CLIC1: variants seen among roughly 807,000 people sequenced by gnomAD.
CLIC1 encodes the protein CLIC family member 1.
A neutral mutation model predicts 26.4 loss-of-function variants in CLIC1; 16 were observed. That is an observed-to-expected ratio of 0.61 (90% CI 0.41 to 0.92). The LOEUF (loss-of-function observed/expected upper bound fraction) is 0.92. Among genes scored for constraint, CLIC1 ranks in the 40% least tolerant of loss-of-function variants. The probability of loss-of-function intolerance (pLI) is 0.00; values close to 1 mark genes in which losing one functional copy is unlikely to be tolerated. For missense variants in CLIC1, 225 were observed against 289.7 expected (o/e 0.78, Z 1.62); for synonymous variants, 98 against 120.8 (o/e 0.81, Z 1.24).
intron 5 of CLIC1, 96 bp from the exon 6 acceptor site, chr6:31,731,099 A>C: frequency 2.0e-4 from 205 of 1,044,856 alleles, no homozygotes; most frequent in Non-Finnish European, 2.7e-4. Context: ...AAACCAGCTC[A>C]ACTCCTCACT....
At chr6:31,735,524 C>G (rs572942209) in intron 1 of CLIC1, among the ~76,000 whole-genome samples, 1 of 151,928 alleles carries the variant, frequency 6.6e-6, no homozygotes, top group Admixed American at 6.6e-5. Flanking sequence ...TCTCCAACCC[C>G]CAAATCCCAA....
In CLIC1 at chr6:31,732,090, T is replaced by C. The variant is rs941036132; in HGVS notation, c.564+127A>G. 4 of 681,554 alleles carry C rather than the reference T, an allele frequency of 5.9e-6. No homozygotes were observed. The highest frequency in any genetic ancestry group is 9.0e-6 in the Non-Finnish European group (4 of 444,340). The allele number at this position is 681,554 out of a possible 1,614,324, so 42.2% of individuals were successfully genotyped here. Reference sequence around the variant, plus strand: ...GGACTGGGGTGGGGTCTGCCATTGGTAGCAATTTATGAAAACCACCCTAAG... The same window carrying C: ...GGACTGGGGTGGGGTCTGCCATTGGCAGCAATTTATGAAAACCACCCTAAG... On this transcript the variant is annotated intron_variant, in intron 5 of 5. Coordinates refer to ENST00000375784, the Ensembl canonical transcript of CLIC1. This position sits in a 1 kb window ranked among gnomAD's most constrained non-coding sequence, Gnocchi z 5.0.
rs1808139561 is a variant in CLIC1 at position 31,733,718 on chromosome 6, A to G, written c.276-46T>C. On this transcript the variant is annotated intron_variant, in intron 3 of 5. Transcript: ENST00000375784. The surrounding 1 kb of genome is among the most constrained non-coding windows in gnomAD (Gnocchi z 5.4). ...TGAGGTAAGATGTCTTCCTGGGAGGAACCTCAGCTAGCTCTCCTGCCCCAG... is the reference window on the plus strand; with the variant it reads ...TGAGGTAAGATGTCTTCCTGGGAGGGACCTCAGCTAGCTCTCCTGCCCCAG... The G allele has an allele frequency of 6.2e-7, 1 of 1,606,454 alleles. No homozygotes were observed. The highest frequency in any genetic ancestry group is 8.5e-7 in the Non-Finnish European group (1 of 1,173,728).
At position 31,734,184 on chromosome 6, in the gene CLIC1, G is replaced by T. The variant is rs1264339514; in HGVS notation, c.119C>A (p.Thr40Asn). Residue 40 changes from threonine (T) to asparagine (N), a missense_variant, in exon 2 of 6, where the codon ACC becomes AAC. Coordinates refer to ENST00000375784, the Ensembl canonical transcript of CLIC1. The surrounding 1 kb of genome is among the most constrained non-coding windows in gnomAD (Gnocchi z 5.3). ...GGTGTCAACGGTGGTAACATTGAAG[G>T]TGACTCCCTTGAGCCACAGTACCAT... 1 of 1,614,104 alleles carries T rather than the reference G, an allele frequency of 6.2e-7. No individual in the cohort carries two copies. The highest frequency in any genetic ancestry group is 8.5e-7 in the Non-Finnish European group (1 of 1,179,966).
At position 31,736,151 on chromosome 6, in the gene CLIC1, T is replaced by C. The variant is rs1808315761; in HGVS notation, c.39+111A>G. The C allele has an allele frequency of 7.5e-6, 8 of 1,073,512 alleles. No homozygotes were observed. Among genetic ancestry groups the C allele is most frequent in the Admixed American group, 5.2e-5 (3 of 57,672 alleles). The allele number at this position is 1,073,512 out of a possible 1,614,324, so 66.5% of individuals were successfully genotyped here. A position where few individuals can be genotyped will look rare whatever the true frequency, so the allele number is the denominator to read the frequency against. On this transcript the variant is annotated intron_variant, in intron 1 of 5. Transcript: ENST00000375784. This position sits in a 1 kb window ranked among gnomAD's most constrained non-coding sequence, Gnocchi z 5.0. ...CCTCAACCAAAGAGTGCACGTGGGA[T>C]TGGGGGTGGGAGTCAAGGAGGGAAG...
intron 1 of CLIC1, among the ~76,000 whole-genome samples, chr6:31,735,460 C>T (rs1007707477): frequency 6.6e-6 from 1 of 151,488 alleles, no homozygotes; most frequent in African/African-American, 2.4e-5. Flanking sequence ...ATAGGACCAT[C>T]TCTCCTTACC....
intron 5 of CLIC1, among the ~76,000 whole-genome samples, chr6:31,731,733 C>T (rs1807965647): frequency 6.6e-6 from 1 of 152,244 alleles, no homozygotes; most frequent in Non-Finnish European, 1.5e-5. Flanking sequence ...CAGATGTTCA[C>T]TACATAGTTG....
At chr6:31,731,062 T>A in intron 5 of CLIC1, 59 bp from the exon 6 acceptor site, 1 of 1,513,832 alleles carries the variant, frequency 6.6e-7, no homozygotes, top group Non-Finnish European at 9.1e-7. Context: ...CACCTTGGCT[T>A]TCCCTTCTCC....
Position 31,732,083 on chromosome 6 carries a change from C to T in CLIC1, c.564+134G>A, listed in dbSNP as rs1398732217. ...CTGCAAAGGACTGGGGTGGGGTCTG[C>T]CATTGGTAGCAATTTATGAAAACCA... On this transcript the variant is annotated intron_variant, in intron 5 of 5. Transcript: ENST00000375784. The surrounding 1 kb of genome is among the most constrained non-coding windows in gnomAD (Gnocchi z 5.0). The T allele has an allele frequency of 5.0e-6, 3 of 600,740 alleles. No homozygotes were observed. The highest frequency in any genetic ancestry group is 8.0e-6 in the Non-Finnish European group (3 of 375,358). 37.2% of individuals were successfully genotyped at this position (600,740 alleles called of 1,614,324 possible). A position where few individuals can be genotyped will look rare whatever the true frequency, so the allele number is the denominator to read the frequency against.
At position 31,730,982 on chromosome 6, in the gene CLIC1, C is replaced by T. The variant is rs1217745238; in HGVS notation, c.586G>A (p.Gly196Arg). ...CGGAAGGCCTCGGGGATGGTGAATC[C>T]CCGGTACTTCTTACACACCACCTGA... is the stretch of plus-strand genomic sequence containing the variant. Residue 196 changes from glycine (G) to arginine (R), a missense_variant, in exon 6 of 6, where the codon GGA becomes AGA. By Grantham distance (125) the Gly-to-Arg change is moderately radical. Transcript: ENST00000375784. This position sits in a 1 kb window ranked among gnomAD's most constrained non-coding sequence, Gnocchi z 5.1. The T allele has an allele frequency of 6.2e-7, 1 of 1,612,846 alleles. No individual in the cohort carries two copies. Among genetic ancestry groups the T allele is most frequent in the Non-Finnish European group, 8.5e-7 (1 of 1,179,970 alleles).
Position 31,730,994 on chromosome 6 carries a change from T to C in CLIC1, c.574A>G (p.Lys192Glu). The change falls in exon 6 of 6, where the codon AAG (lysine) becomes GAG (glutamate). Residue 192 changes from lysine (K) to glutamate (E), a missense_variant. Transcript: ENST00000375784. The surrounding 1 kb of genome is among the most constrained non-coding windows in gnomAD (Gnocchi z 5.1). ...GGGATGGTGAATCCCCGGTACTTCT[T>C]ACACACCACCTGAGGATGGGGAGAG... 1 of 1,612,702 alleles carries C rather than the reference T, an allele frequency of 6.2e-7. No homozygotes were observed. Among genetic ancestry groups the C allele is most frequent in the Non-Finnish European group, 8.5e-7 (1 of 1,179,898 alleles).
rs1808211678 is a variant in CLIC1 at position 31,734,617 on chromosome 6, A to C, written c.40-354T>G. On this transcript the variant is annotated intron_variant, in intron 1 of 5. Transcript: ENST00000375784. This position sits in a 1 kb window ranked among gnomAD's most constrained non-coding sequence, Gnocchi z 5.3. ...GAAGCCTGGATTTCTGGGTTCCTGA[A>C]GGGAGTAGAGTCTGAAGACAGGAGA... Among the ~76,000 whole-genome samples the C allele has an allele frequency of 6.6e-6, 1 of 152,182 alleles. No individual in the cohort carries two copies. Among genetic ancestry groups the C allele is most frequent in the Non-Finnish European group, 1.5e-5 (1 of 68,030 alleles).
rs1408578681 is a variant in CLIC1 at position 31,733,693 on chromosome 6, T to C, written c.276-21A>G. ...GGTACCTGAAAGCCAATGGGAAAAA[T>C]GAGGTAAGATGTCTTCCTGGGAGGA... On this transcript the variant is annotated intron_variant, in intron 3 of 5. Transcript: ENST00000375784. The surrounding 1 kb of genome is among the most constrained non-coding windows in gnomAD (Gnocchi z 5.4). The C allele has an allele frequency of 6.2e-7, 1 of 1,611,418 alleles. No homozygotes were observed. Among genetic ancestry groups the C allele is most frequent in the Non-Finnish European group, 8.5e-7 (1 of 1,178,432 alleles).
At position 31,736,458 on chromosome 6, in the gene CLIC1, A is replaced by T; in HGVS notation, c.-158T>A. 1 of 1,433,484 alleles carries T rather than the reference A, an allele frequency of 7.0e-7. No individual in the cohort carries two copies. Among genetic ancestry groups the T allele is most frequent in the Non-Finnish European group, 9.2e-7 (1 of 1,088,698 alleles). 88.8% of individuals were successfully genotyped at this position (1,433,484 alleles called of 1,614,324 possible). A position where few individuals can be genotyped will look rare whatever the true frequency, so the allele number is the denominator to read the frequency against. ...AATCAGACCTACTTGCACCCAAACTAGGCCTCCCCACCAGCCCAACGCACC... is the reference window on the plus strand; with the variant it reads ...AATCAGACCTACTTGCACCCAAACTTGGCCTCCCCACCAGCCCAACGCACC... On this transcript the variant is annotated 5_prime_UTR_variant, in exon 1 of 6. Coordinates refer to ENST00000375784, the Ensembl canonical transcript of CLIC1. This position sits in a 1 kb window ranked among gnomAD's most constrained non-coding sequence, Gnocchi z 5.0.
rs989660657 is a variant in CLIC1, at chr6:31,734,665, G to C, written c.40-402C>G. On this transcript the variant is annotated intron_variant, in intron 1 of 5. Coordinates refer to ENST00000375784, the Ensembl canonical transcript of CLIC1. The surrounding 1 kb of genome is among the most constrained non-coding windows in gnomAD (Gnocchi z 5.3). ...AGAGGTGGGTGGGGTTTGGGAGCCA[G>C]AGTTTTGGTTCTCTACACCTCCAAT... 6.6e-6 allele frequency among the ~76,000 whole-genome samples: 1 copy of C among 152,204 alleles called. No homozygotes were observed. The highest frequency in any genetic ancestry group is 2.4e-5 in the African/African-American group (1 of 41,438).
upstream of CLIC1, chr6:31,737,087 G>T: frequency 4.0e-6 from 1 of 251,420 alleles, no homozygotes; most frequent in Non-Finnish European, 6.3e-6. Context: ...TCAGCACTAG[G>T]ACTTGCAGTC....
intron 5 of CLIC1, among the ~76,000 whole-genome samples, chr6:31,731,582 G>A (rs1184211931): frequency 2.0e-5 from 3 of 152,216 alleles, no homozygotes; most frequent in Admixed American, 6.5e-5. Flanking sequence ...GATTATAGGC[G>A]TGAGCCACCA....
At position 31,732,857 on chromosome 6, in the gene CLIC1, C is replaced by T. The variant is rs1808069002; in HGVS notation, c.383-459G>A. On this transcript the variant is annotated intron_variant, in intron 4 of 5. Coordinates refer to ENST00000375784, the Ensembl canonical transcript of CLIC1. This position sits in a 1 kb window ranked among gnomAD's most constrained non-coding sequence, Gnocchi z 5.0. ...ATTTATATCGCCGGGTGCAGTGGCT[C>T]ACTCCTGTAATCCCAGCACTTTGGG... is the stretch of plus-strand genomic sequence containing the variant. Among the ~76,000 whole-genome samples, 1 of 151,724 alleles carries T rather than the reference C, an allele frequency of 6.6e-6. No homozygotes were observed.
chr6:31,734,818 C>T lies in CLIC1; in HGVS notation c.40-555G>A, dbSNP rs1203545720. ...GTGACCTCATTGGCCCAAGGGACAC[C>T]TCCCCCTAAGCTGAGGGTGATTCAT... On this transcript the variant is annotated intron_variant, in intron 1 of 5. Transcript: ENST00000375784. The surrounding 1 kb of genome is among the most constrained non-coding windows in gnomAD (Gnocchi z 5.3). Among the ~76,000 whole-genome samples, 1 of 152,106 alleles carries T rather than the reference C, an allele frequency of 6.6e-6. No homozygotes were observed. The highest frequency in any genetic ancestry group is 1.5e-5 in the Non-Finnish European group (1 of 68,006).
Sources: gnomAD v4.1 joint callset for allele counts (sites outside exome capture counted in the v4.1 genomes callset) on GRCh38, gnomAD v4.1.1 for gene constraint, Gnocchi (gnomAD v3.1) non-coding constraint, MANE v1.5 for transcripts, NCBI Gene and HGNC (gene_info 2026-07-23, HGNC 2026-07-21) for gene names.